INO80: variants seen among roughly 807,000 people sequenced by gnomAD.
The protein encoded by INO80 is INO80 complex ATPase subunit.
A neutral mutation model predicts 203.4 loss-of-function variants in INO80; 20 were observed. The observed-to-expected ratio is 0.10, with a 90% CI of 0.07 to 0.14. The LOEUF is 0.14. Among genes scored for constraint, INO80 ranks in the 10% least tolerant of loss-of-function variants. The probability of loss-of-function intolerance (pLI) is 1.00; values close to 1 mark genes in which losing one functional copy is unlikely to be tolerated. For synonymous variants in INO80, 726 were observed against 685.2 expected (o/e 1.06, Z -0.93); for missense variants, 1,419 against 1,914.4 (o/e 0.74, Z 4.83).
intron 19 of INO80, among the ~76,000 whole-genome samples, chr15:41,052,548 C>T (rs1293895626): frequency 6.6e-6 from 1 of 151,608 alleles, no homozygotes; most frequent in Admixed American, 6.6e-5. Context: ...TGGTGTACAC[C>T]TGTAGACCCA....
At chr15:40,997,707 AAG>A (rs2043897964) in intron 28 of INO80, 106 bp from the exon 29 acceptor site, 1 of 752,334 alleles carries the variant, frequency 1.3e-6, no homozygotes, top group South Asian at 1.4e-5. Flanking sequence ...TAGGACTAAA[AAG>A]AGTTTTGGTG....
intron 7 of INO80, among the ~76,000 whole-genome samples, chr15:41,083,213 A>G (rs1479936206): frequency 2.1e-5 from 3 of 145,740 alleles, no homozygotes; most frequent in Non-Finnish European, 4.5e-5. Flanking sequence ...TGAACCCGGG[A>G]GGCGGAGCTT....
chr15:41,057,738 A>G (rs2045014898), intron 16 of INO80, among the ~76,000 whole-genome samples: 1 of 142,832 alleles, frequency 7.0e-6, no homozygotes, highest in Admixed American at 7.1e-5. Context: ...TGGAGGTTGC[A>G]GTGAGCCGAG....
At chr15:41,071,753 G>T in intron 12 of INO80, 96 bp downstream of exon 12, 3 of 1,141,426 alleles carry the variant, frequency 2.6e-6, no homozygotes, top group Non-Finnish European at 2.6e-6. Context: ...GAGCCACCGC[G>T]CTCAGCCAGA....
chr15:41,043,077 G>A (rs181051551), intron 24 of INO80, among the ~76,000 whole-genome samples: 34 of 152,134 alleles, frequency 2.2e-4, no homozygotes, highest in Middle Eastern at 6.8e-3. Context: ...TTTCTCAGAC[G>A]GTTCTAACTG....
intron 29 of INO80, among the ~76,000 whole-genome samples, chr15:40,990,197 G>A (rs1361885993): frequency 6.6e-6 from 1 of 152,070 alleles, no homozygotes; most frequent in African/African-American, 2.4e-5. Context: ...GCTGGGGTGG[G>A]GAGTGACCTA....
intron 20 of INO80, among the ~76,000 whole-genome samples, chr15:41,049,657 G>A (rs1157083314): frequency 3.3e-5 from 5 of 152,178 alleles, no homozygotes; most frequent in African/African-American, 7.2e-5. Context: ...AGGCCGAGGC[G>A]GGTGGATCCC....
intron 29 of INO80, among the ~76,000 whole-genome samples, chr15:40,995,639 C>T (rs765366624): frequency 1.3e-5 from 2 of 152,076 alleles, no homozygotes; most frequent in Admixed American, 6.5e-5. Context: ...GGTATGAAGC[C>T]GGGAACTGAG....
chr15:41,105,361 T>C (rs996295592), intron 1 of INO80, among the ~76,000 whole-genome samples: 1 of 152,198 alleles, frequency 6.6e-6, no homozygotes, highest in African/African-American at 2.4e-5. Context: ...GTAAGGAGGC[T>C]ACATGCTCAC....
At chr15:41,003,334 C>CTTTTCTTT (rs776470261) in intron 28 of INO80, among the ~76,000 whole-genome samples, 1 of 126,024 alleles carries the variant, frequency 7.9e-6, no homozygotes, top group East Asian at 2.4e-4. Flanking sequence ...CTTTTCTTTT[C>CTTTTCTTT]TTTTTTTTTT....
chr15:41,051,531 C>T lies in INO80; in HGVS notation c.2275-1429G>A, dbSNP rs187947057. 2.7e-3 allele frequency among the ~76,000 whole-genome samples: 406 copies of T among 151,594 alleles called. 3 individuals are homozygous for T. The highest frequency in any genetic ancestry group is 0.013 in the South Asian group (61 of 4,794). ...GCACTAAACAACAATCATGAACTAG[C>T]TGGGTGCACTGACTCACACCTGCAA... On this transcript the variant is annotated intron_variant, in intron 19 of 35. Coordinates refer to ENST00000648947, the MANE Select transcript of INO80 (RefSeq NM_017553.3).
intron 4 of INO80, among the ~76,000 whole-genome samples, chr15:41,094,128 TG>T (rs1288819270): frequency 6.6e-6 from 1 of 152,220 alleles, no homozygotes; most frequent in Non-Finnish European, 1.5e-5. Flanking sequence ...TAATTCAGTT[TG>T]GCCACTGACA....
chr15:41,049,887 T>TCAAAAAA (rs1353283015), intron 20 of INO80, 48 bp downstream of exon 20: 1 of 1,547,702 alleles, frequency 6.5e-7, no homozygotes, highest in Non-Finnish European at 8.8e-7. Context: ...CAATTCTATC[T>TCAAAAAA]CAAAAAACAA....
chr15:41,037,960 A>C (rs901098641), intron 24 of INO80, among the ~76,000 whole-genome samples: 1 of 150,988 alleles, frequency 6.6e-6, no homozygotes, highest in Non-Finnish European at 1.5e-5. Context: ...AAGTGTAGTT[A>C]ACCAACTTGC....
At chr15:41,075,508 G>A (rs908833053) in intron 9 of INO80, among the ~76,000 whole-genome samples, 2 of 152,112 alleles carry the variant, frequency 1.3e-5, no homozygotes, top group South Asian at 2.1e-4. Context: ...AGGCTGGAGT[G>A]CAGTGGCGTG....
chr15:41,096,194 T>C lies in INO80; in HGVS notation c.117A>G (p.Ser39=), dbSNP rs2045720951. 1 of 1,610,738 alleles carries C rather than the reference T, an allele frequency of 6.2e-7. No homozygotes were observed. Among genetic ancestry groups the C allele is most frequent in the Non-Finnish European group, 8.5e-7 (1 of 1,179,276 alleles). ...LRLDHFLRQT[S]AIFNRNISSD... ...TAGAAATATTCCTATTGAAGATAGC[T>C]GACGTTTGTCGCAGAAAATGGTCCA... Residue 39 remains serine (S), a synonymous_variant, in exon 2 of 36, where the codon TCA becomes TCG. Transcript: ENST00000648947.
At chr15:41,025,732 A>C (rs2044366060) in intron 25 of INO80, among the ~76,000 whole-genome samples, 1 of 151,400 alleles carries the variant, frequency 6.6e-6, no homozygotes, top group Admixed American at 6.6e-5. Context: ...AAAACAAAAA[A>C]CCCCAACAAC....
chr15:41,088,081 GCTTTT>G (rs1251214555), intron 5 of INO80, among the ~76,000 whole-genome samples: 1 of 140,236 alleles, frequency 7.1e-6, no homozygotes, highest in African/African-American at 2.8e-5. Flanking sequence ...CCTCATGCTT[GCTTTT>G]CTTTTTTTTT....
At chr15:41,058,987 C>T (rs193201173) in intron 15 of INO80, among the ~76,000 whole-genome samples, 53 of 152,140 alleles carry the variant, frequency 3.5e-4, no homozygotes, top group Admixed American at 6.6e-4. Flanking sequence ...GGTCTCACTC[C>T]GTTACCCAGA....
Sources: gnomAD v4.1 joint callset for allele counts (sites outside exome capture counted in the v4.1 genomes callset) on GRCh38, gnomAD v4.1.1 for gene constraint, MANE v1.5 for transcripts, NCBI Gene and HGNC (gene_info 2026-07-23, HGNC 2026-07-21) for gene names.